The following ZNF71 variants were observed in gnomAD, a reference collection of about 807,000 sequenced individuals.
ZNF71 encodes zinc finger protein 71, also known as endothelial zinc finger protein induced by tumor necrosis factor alpha.
Under a neutral mutation model 6.7 loss-of-function variants are expected in ZNF71, and 3 were observed. The ratio of observed to expected loss-of-function variants is 0.45; its 90% CI spans 0.20 to 1.16. The LOEUF (loss-of-function observed/expected upper bound fraction) is 1.16, where lower values mean the gene tolerates loss of function less well. ZNF71 is among the 50% of genes most tolerant of loss of function. ZNF71 has a pLI of 0.25. For synonymous variants in ZNF71, 343 were observed against 311.1 expected (o/e 1.10, Z -1.08); for missense variants, 688 against 728.6 (o/e 0.94, Z 0.64).
intron 3 of ZNF71, among the ~76,000 whole-genome samples, chr19:56,620,712 A>G (rs1008462340): frequency 2.0e-5 from 3 of 151,976 alleles, no homozygotes; most frequent in Non-Finnish European, 4.4e-5. Flanking sequence ...TTAAAAAAAA[A>G]TTTAGTAGAG....
intron 1 of ZNF71, among the ~76,000 whole-genome samples, chr19:56,596,840 C>G (rs2044629553): frequency 6.6e-6 from 1 of 152,034 alleles, no homozygotes; most frequent in Non-Finnish European, 1.5e-5. Context: ...TCAGCTGACA[C>G]AAGGTTGCAG....
chr19:56,622,083 G>A lies in ZNF71; in HGVS notation c.976G>A (p.Gly326Arg), dbSNP rs759476055. ...HLIVHQRTHT[G>R]EKPYVCPECG... is the part of the protein sequence containing the mutation. ...CATCGTGCACCAGCGCACGCACACCGGGGAGAAGCCGTACGTGTGCCCCGA... is the reference window on the plus strand; with the variant it reads ...CATCGTGCACCAGCGCACGCACACCAGGGAGAAGCCGTACGTGTGCCCCGA... The change falls in exon 4 of 4, where the codon GGG (glycine) becomes AGG (arginine). Residue 326 changes from glycine to arginine, a missense_variant. Gly to Arg is a moderately radical substitution (Grantham distance 125). Transcript: ENST00000599599. 2.5e-6 allele frequency: 4 copies of A among 1,612,892 alleles called. No individual in the cohort carries two copies. Among genetic ancestry groups the A allele is most frequent in the Non-Finnish European group, 3.4e-6 (4 of 1,179,126 alleles).
intron 2 of ZNF71, among the ~76,000 whole-genome samples, chr19:56,602,472 G>A (rs947568998): frequency 6.6e-6 from 1 of 152,174 alleles, no homozygotes; most frequent in African/African-American, 2.4e-5. Context: ...CTGCATGTTG[G>A]ATATATTTAG....
intron 1 of ZNF71, among the ~76,000 whole-genome samples, chr19:56,599,036 C>T (rs1289747942): frequency 6.6e-6 from 1 of 152,166 alleles, no homozygotes; most frequent in Non-Finnish European, 1.5e-5. Context: ...ATAAGCATCC[C>T]CAGTGATTCT....
At chr19:56,617,225 C>T (rs963670854) in intron 3 of ZNF71, among the ~76,000 whole-genome samples, 5 of 151,522 alleles carry the variant, frequency 3.3e-5, no homozygotes, top group Admixed American at 1.3e-4. Context: ...ATTCTCCTGC[C>T]TCAGCCTCCT....
intron 1 of ZNF71, among the ~76,000 whole-genome samples, chr19:56,600,720 G>A (rs2044664225): frequency 6.6e-6 from 1 of 152,160 alleles, no homozygotes. Context: ...GCAAATCACA[G>A]GATCTTATTC....
chr19:56,621,997 C>T lies in ZNF71; in HGVS notation c.890C>T (p.Thr297Met), dbSNP rs781427340. 6.2e-7 allele frequency: 1 copy of T among 1,606,906 alleles called. No homozygotes were observed. The highest frequency in any genetic ancestry group is 8.5e-7 in the Non-Finnish European group (1 of 1,178,418). The change falls in exon 4 of 4, where the codon ACG (threonine) becomes ATG (methionine). Residue 297 changes from threonine (T) to methionine (M), a missense_variant. Transcript: ENST00000599599. Reference sequence around the variant, plus strand: ...CTCACCCAGCACGAGCGGATCCACACGGGGGAGAAGCCCTACGCGTGCGGG... The same window carrying T: ...CTCACCCAGCACGAGCGGATCCACATGGGGGAGAAGCCCTACGCGTGCGGG... Reference protein sequence around the residue: ...SSLTQHERIHTGEKPYACGDC... With the variant: ...SSLTQHERIHMGEKPYACGDC...
At chr19:56,610,397 T>C (rs1025187278) in intron 2 of ZNF71, 3 of 152,264 alleles carry the variant, frequency 2.0e-5, no homozygotes, top group Non-Finnish European at 4.4e-5. Context: ...ATCTGTTTTT[T>C]CATGTAACAG....
chr19:56,616,637 G>A (rs889451259), intron 3 of ZNF71, among the ~76,000 whole-genome samples: 3 of 152,134 alleles, frequency 2.0e-5, no homozygotes, highest in Non-Finnish European at 4.4e-5. Context: ...TGACATGCAC[G>A]TTTTGACCAA....
At position 56,613,057 on chromosome 19, in the gene ZNF71, A is replaced by G. The variant is rs370119577; in HGVS notation, c.34-755A>G. 4.0e-4 allele frequency among the ~76,000 whole-genome samples: 61 copies of G among 152,246 alleles called. 1 individual carries two copies. In the South Asian group the frequency reaches 0.012, roughly 31 times the overall value. Reference sequence around the variant, plus strand: ...TGGTGTTGCCTACCTCATCATCACCATCCACACTGCTCCGCCAGGTTCTTT... The same window carrying G: ...TGGTGTTGCCTACCTCATCATCACCGTCCACACTGCTCCGCCAGGTTCTTT... On this transcript the variant is annotated intron_variant, in intron 2 of 3. Transcript: ENST00000599599. This position sits in a 1 kb window ranked among gnomAD's most constrained non-coding sequence, Gnocchi z 4.6.
At position 56,603,999 on chromosome 19, in the gene ZNF71, C is replaced by T. The variant is rs1000251394; in HGVS notation, c.33+2408C>T. Among the ~76,000 whole-genome samples the T allele has an allele frequency of 4.6e-5, 7 of 152,120 alleles. No individual in the cohort carries two copies. The highest frequency in any genetic ancestry group is 1.7e-4 in the African/African-American group (7 of 41,430). ...CACTTCTGTCCCAACACGATGGGCTCCCAGACCTGGAAGGCTGTGTTCTGT... is the reference window on the plus strand; with the variant it reads ...CACTTCTGTCCCAACACGATGGGCTTCCAGACCTGGAAGGCTGTGTTCTGT... On this transcript the variant is annotated intron_variant, in intron 2 of 3. Transcript: ENST00000599599. The surrounding 1 kb of genome is among the most constrained non-coding windows in gnomAD (Gnocchi z 4.6).
rs533198835 is a variant in ZNF71 at position 56,618,363 on chromosome 19, C to A, written c.161-2905C>A. 6.6e-6 allele frequency among the ~76,000 whole-genome samples: 1 copy of A among 152,330 alleles called. No homozygotes were observed. Among genetic ancestry groups the A allele is most frequent in the East Asian group, 1.9e-4 (1 of 5,174 alleles). The stretch of plus-strand genomic sequence containing the variant: ...TATGATTGTGAGGGTCTCCAGAGAT[C>A]CGTGCAAATTGTTCAGCACTGTGCC... On this transcript the variant is annotated intron_variant, in intron 3 of 3. Coordinates refer to ENST00000599599, the MANE Select transcript of ZNF71 (RefSeq NM_001370215.1). The surrounding 1 kb of genome is among the most constrained non-coding windows in gnomAD (Gnocchi z 4.6).
At chr19:56,619,262 C>T (rs1020329043) in intron 3 of ZNF71, among the ~76,000 whole-genome samples, 2 of 152,096 alleles carry the variant, frequency 1.3e-5, no homozygotes, top group African/African-American at 2.4e-5. Flanking sequence ...CATCCATCCC[C>T]ACAGCTCTTT....
At position 56,622,207 on chromosome 19, in the gene ZNF71, TCAA is replaced by T; in HGVS notation, c.1104_1106del (p.Asn368del). 6.2e-7 allele frequency: 1 copy of T among 1,613,678 alleles called. No individual in the cohort carries two copies. Among genetic ancestry groups the T allele is most frequent in the Non-Finnish European group, 8.5e-7 (1 of 1,179,896 alleles). The stretch of plus-strand genomic sequence containing the variant: ...GCCTGCAAGGAGTGCGGCAAGGCCT[TCAA>T]CAAGAGCTCCTCGCTCACCCTGCAC... On this transcript the variant is annotated inframe_deletion, in exon 4 of 4. Coordinates refer to ENST00000599599, the MANE Select transcript of ZNF71 (RefSeq NM_001370215.1).
intron 1 of ZNF71, among the ~76,000 whole-genome samples, chr19:56,595,770 G>A (rs991034837): frequency 6.6e-6 from 1 of 152,000 alleles, no homozygotes; most frequent in Non-Finnish European, 1.5e-5. Flanking sequence ...GTGTCTGTGT[G>A]GGTCTGTATG....
rs1568510339 is a variant in ZNF71 at position 56,622,434 on chromosome 19, G to A, written c.1327G>A (p.Glu443Lys). Residue 443 changes from glutamate to lysine, a missense_variant, in exon 4 of 4, where the codon GAG becomes AAG. By Grantham distance (56) the Glu-to-Lys change is moderately conservative (BLOSUM62 1). Coordinates refer to ENST00000599599, the MANE Select transcript of ZNF71 (RefSeq NM_001370215.1). ...QRIHTGEKPY[E>K]CYICKKHFTG... ...CATCCACACCGGCGAGAAGCCCTAC[G>A]AGTGCTACATCTGCAAGAAGCACTT... 1 of 1,605,122 alleles carries A rather than the reference G, an allele frequency of 6.2e-7. No individual in the cohort carries two copies. The highest frequency in any genetic ancestry group is 8.5e-7 in the Non-Finnish European group (1 of 1,177,626).
At chr19:56,614,273 G>A (rs1461882897) in intron 3 of ZNF71, among the ~76,000 whole-genome samples, 1 of 152,122 alleles carries the variant, frequency 6.6e-6, no homozygotes, top group Non-Finnish European at 1.5e-5. Context: ...CCTTACTACT[G>A]GAGACACACA....
At chr19:56,620,709 A>G (rs891368063) in intron 3 of ZNF71, among the ~76,000 whole-genome samples, 2 of 151,996 alleles carry the variant, frequency 1.3e-5, no homozygotes, top group Non-Finnish European at 2.9e-5. Context: ...TTTTTAAAAA[A>G]AAATTTAGTA....
chr19:56,596,577 G>A (rs1232484363), intron 1 of ZNF71, among the ~76,000 whole-genome samples: 1 of 152,158 alleles, frequency 6.6e-6, no homozygotes, highest in Non-Finnish European at 1.5e-5. Flanking sequence ...GACTCCCAAA[G>A]GGTCTCTGTG....
Sources: gnomAD v4.1 joint callset for allele counts (sites outside exome capture counted in the v4.1 genomes callset) on GRCh38, gnomAD v4.1.1 for gene constraint, Gnocchi (gnomAD v3.1) non-coding constraint, MANE v1.5 for transcripts, NCBI Gene and HGNC (gene_info 2026-07-23, HGNC 2026-07-21) for gene names.